CENPK: variants seen among roughly 807,000 people sequenced by gnomAD.
CENPK encodes the protein centromere protein K.
Under a neutral mutation model 40.9 loss-of-function variants are expected in CENPK, and 46 were observed. The ratio of observed to expected loss-of-function variants is 1.13; its 90% CI spans 0.89 to 1.44. CENPK has a LOEUF of 1.44. Ranked by LOEUF, CENPK falls within the 40% of genes most tolerant of loss-of-function variation. The probability of loss-of-function intolerance (pLI) is 0.00; values close to 1 mark genes in which losing one functional copy is unlikely to be tolerated. For missense variants in CENPK, 288 were observed against 303.5 expected (o/e 0.95, Z 0.38); for synonymous variants, 107 against 104.4 (o/e 1.02, Z -0.15).
At chr5:65,542,105 C>A (rs933956997) in intron 6 of CENPK, among the ~76,000 whole-genome samples, 1 of 152,180 alleles carries the variant, frequency 6.6e-6, no homozygotes, top group African/African-American at 2.4e-5. Flanking sequence ...CACCTAATCA[C>A]CTCCCAAAGG....
At position 65,551,619 on chromosome 5, in the gene CENPK, C is replaced by T; in HGVS notation, c.186G>A (p.Met62Ile). 6.4e-7 allele frequency: 1 copy of T among 1,568,650 alleles called. No individual in the cohort carries two copies. Among genetic ancestry groups the T allele is most frequent in the South Asian group, 1.2e-5 (1 of 85,568 alleles). Residue 62 changes from methionine to isoleucine, a missense_variant, in exon 5 of 11, where the codon ATG becomes ATA. Transcript: ENST00000396679. ...GTTCAGCGGTTAAACATTTTACTTGCATAATTAACAATGATAGCTACAAAA... is the reference window on the plus strand; with the variant it reads ...GTTCAGCGGTTAAACATTTTACTTGTATAATTAACAATGATAGCTACAAAA... ...DSNAQLSLLI[M>I]QVKCLTAELS...
At position 65,528,366 on chromosome 5, in the gene CENPK, G is replaced by C. The variant is rs1012548043; in HGVS notation, c.597+86C>G. The C allele has an allele frequency of 5.7e-6, 7 of 1,236,208 alleles. No homozygotes were observed. The Admixed American group carries it at 2.1e-4, about 36-fold the overall frequency. The allele number at this position is 1,236,208 out of a possible 1,614,324, so 76.6% of individuals were successfully genotyped here. ...TATTTCCATACATGTGCATACCTTT[G>C]AACTAAATAAGAAAATATGCTTCTA... On this transcript the variant is annotated intron_variant, in intron 9 of 10. Coordinates refer to ENST00000396679, the MANE Select transcript of CENPK (RefSeq NM_022145.5).
At chr5:65,515,954 G>A (rs570378920), downstream of CENPK, among the ~76,000 whole-genome samples, 3 of 152,302 alleles carry the variant, frequency 2.0e-5, no homozygotes, top group East Asian at 3.9e-4. Context: ...AATTTCTGGG[G>A]AAGGCTCTCT....
At chr5:65,517,551 T>A (rs186575584), downstream of CENPK, among the ~76,000 whole-genome samples, 2 of 152,266 alleles carry the variant, frequency 1.3e-5, no homozygotes, top group Non-Finnish European at 2.9e-5. Context: ...AAATATGAAG[T>A]AATTAAGGTA....
chr5:65,495,713 A>G, the CENPK span, among the ~76,000 whole-genome samples: 2 of 152,238 alleles, frequency 1.3e-5, no homozygotes, highest in Non-Finnish European at 2.9e-5. Context: ...CTGTTCTAGA[A>G]TAACGATCAA....
At chr5:65,519,441 C>G (rs1743315361) in intron 10 of CENPK, among the ~76,000 whole-genome samples, 1 of 152,132 alleles carries the variant, frequency 6.6e-6, no homozygotes, top group African/African-American at 2.4e-5. Context: ...ATTTTGCCTC[C>G]TCAGCTATCT....
chr5:65,535,617 T>C (rs531534272), intron 6 of CENPK, among the ~76,000 whole-genome samples: 2 of 152,172 alleles, frequency 1.3e-5, no homozygotes, highest in Admixed American at 6.5e-5. Context: ...ACGTCACACA[T>C]AGTTGCAGGG....
In CENPK at chr5:65,518,484, G is replaced by C. The variant is rs1487486189; in HGVS notation, c.801C>G (p.Phe267Leu). The change falls in exon 11 of 11, where the codon TTC becomes TTG. Residue 267 changes from phenylalanine to leucine, a missense_variant. Phe to Leu is a conservative substitution (Grantham distance 22, BLOSUM62 0). Coordinates refer to ENST00000396679, the MANE Select transcript of CENPK (RefSeq NM_022145.5). ...AAAAGAAAACATCCTTTTACTGATGGAAAGCTTCTAATCTTATTCGGGTTG... is the reference window on the plus strand; with the variant it reads ...AAAAGAAAACATCCTTTTACTGATGCAAAGCTTCTAATCTTATTCGGGTTG... The part of the protein sequence containing the change: ...EDPTRIRLEA[F>L]HQ 1 of 1,609,068 alleles carries C rather than the reference G, an allele frequency of 6.2e-7. No homozygotes were observed. The highest frequency in any genetic ancestry group is 8.5e-7 in the Non-Finnish European group (1 of 1,178,882).
chr5:65,519,530 T>C (rs1223701451), intron 10 of CENPK, among the ~76,000 whole-genome samples: 1 of 152,154 alleles, frequency 6.6e-6, no homozygotes, highest in Non-Finnish European at 1.5e-5. Context: ...CAGGGGTGGA[T>C]CTTGGATTAG....
At chr5:65,556,997 G>T (rs1488865847) in intron 2 of CENPK, among the ~76,000 whole-genome samples, 1 of 152,194 alleles carries the variant, frequency 6.6e-6, no homozygotes, top group Non-Finnish European at 1.5e-5. Flanking sequence ...GTTGTTAAGT[G>T]ACACATGACT....
chr5:65,498,726 T>C, the CENPK span, among the ~76,000 whole-genome samples: 2 of 150,964 alleles, frequency 1.3e-5, no homozygotes, highest in Non-Finnish European at 3.0e-5. Flanking sequence ...GCATTGATCA[T>C]GGCTCACAAT....
intron 8 of CENPK, 89 bp downstream of exon 8, chr5:65,528,830 T>C: frequency 1.1e-6 from 1 of 945,224 alleles, no homozygotes; most frequent in Non-Finnish European, 1.6e-6. Flanking sequence ...TCCTGATTCC[T>C]GGTAACATTT....
intron 2 of CENPK, among the ~76,000 whole-genome samples, chr5:65,560,123 T>G (rs1751705364): frequency 6.6e-6 from 1 of 151,958 alleles, no homozygotes; most frequent in Admixed American, 6.6e-5. Context: ...TAAGCAAAAC[T>G]AAGTAAAATC....
At chr5:65,512,075 A>T in the CENPK span, among the ~76,000 whole-genome samples, 1 of 152,356 alleles carries the variant, frequency 6.6e-6, no homozygotes, top group African/African-American at 2.4e-5. Context: ...CACATGTGGT[A>T]GAAATATCAA....
intron 6 of CENPK, among the ~76,000 whole-genome samples, chr5:65,539,055 TTC>T (rs1747476217): frequency 6.6e-6 from 1 of 152,230 alleles, no homozygotes; most frequent in Non-Finnish European, 1.5e-5. Flanking sequence ...TTGTAAAAGT[TTC>T]TGTTTGCTTC....
At chr5:65,543,866 T>A (rs892665210) in intron 5 of CENPK, among the ~76,000 whole-genome samples, 1 of 152,202 alleles carries the variant, frequency 6.6e-6, no homozygotes, top group Non-Finnish European at 1.5e-5. Flanking sequence ...GACATTTCCA[T>A]GAGCTATGAA....
At chr5:65,535,767 A>G (rs1746780652) in intron 6 of CENPK, among the ~76,000 whole-genome samples, 1 of 152,248 alleles carries the variant, frequency 6.6e-6, no homozygotes, top group Non-Finnish European at 1.5e-5. Context: ...TTCTGAGTCC[A>G]GTGAGTCTAT....
At chr5:65,536,649 G>C (rs1746949930) in intron 6 of CENPK, among the ~76,000 whole-genome samples, 1 of 123,056 alleles carries the variant, frequency 8.1e-6, no homozygotes, top group South Asian at 2.7e-4. Context: ...TATATGTAGG[G>C]ATTGGGGGGG....
At chr5:65,526,029 CAG>C (rs1744649183) in intron 9 of CENPK, among the ~76,000 whole-genome samples, 2 of 151,972 alleles carry the variant, frequency 1.3e-5, no homozygotes, top group South Asian at 4.2e-4. Context: ...GAGAAAGAAA[CAG>C]AGAGACAAGA....
Sources: allele counts gnomAD v4.1 joint callset (sites outside exome capture counted in the v4.1 genomes callset), GRCh38; gene constraint gnomAD v4.1.1; transcripts MANE v1.5; gene names NCBI Gene and HGNC (gene_info 2026-07-23, HGNC 2026-07-21).